MS4A4E: variants seen among roughly 807,000 people sequenced by gnomAD.
MS4A4E encodes the protein membrane spanning 4-domains A4E.
Under a neutral mutation model 13.3 loss-of-function variants are expected in MS4A4E, and 23 were observed. The ratio of observed to expected loss-of-function variants is 1.73; its 90% CI spans 1.25 to 2.45. The LOEUF (loss-of-function observed/expected upper bound fraction) is 2.45. Ranked by LOEUF, MS4A4E falls within the 30% of genes most tolerant of loss-of-function variation. MS4A4E has a pLI of 0.00. For synonymous variants in MS4A4E, 36 were observed against 45.6 expected, an observed-to-expected ratio of 0.79 and a Z score of 0.85; for missense variants, 144 against 131.2, an observed-to-expected ratio of 1.10 and a Z score of -0.48.
At chr11:60,240,404 G>A (rs1256341155) in intron 1 of MS4A4E, among the ~76,000 whole-genome samples, 1 of 152,146 alleles carries the variant, frequency 6.6e-6, no homozygotes, top group Non-Finnish European at 1.5e-5. Context: ...GCCTCTGAAT[G>A]TTCCCCGGTG....
At chr11:60,220,795 GACTC>G (rs776154368) in intron 3 of MS4A4E, among the ~76,000 whole-genome samples, 37 of 152,290 alleles carry the variant, frequency 2.4e-4, no homozygotes, top group Middle Eastern at 6.8e-3. Flanking sequence ...AACCAAGAAA[GACTC>G]ACAATGCCTA....
At chr11:60,233,852 A>G (rs1426250) in intron 1 of MS4A4E, among the ~76,000 whole-genome samples, 49,236 of 152,078 alleles carry the variant, frequency 0.32, 9,053 homozygotes, top group South Asian at 0.51. Flanking sequence ...TCTCAGAACT[A>G]TAAGGCCACT....
intron 2 of MS4A4E, among the ~76,000 whole-genome samples, 166 bp downstream of exon 2, chr11:60,229,746 G>A (rs2084384345): frequency 1.3e-5 from 2 of 152,150 alleles, no homozygotes; most frequent in African/African-American, 4.8e-5. Context: ...GGATGTGATA[G>A]AATATTATAT....
intron 3 of MS4A4E, chr11:60,225,173 T>C: frequency 7.7e-7 from 1 of 1,306,618 alleles, no homozygotes; most frequent in Non-Finnish European, 1.0e-6. Context: ...CACTAAGCTA[T>C]CCTTATTCTT....
At chr11:60,214,471 CT>C in intron 4 of MS4A4E, 99 bp downstream of exon 4, 1 of 840,108 alleles carries the variant, frequency 1.2e-6, no homozygotes, top group Non-Finnish European at 1.7e-6. Flanking sequence ...TTGCTCCTGA[CT>C]TTTTTAAAAA....
intron 5 of MS4A4E, among the ~76,000 whole-genome samples, chr11:60,212,165 G>T (rs1205990264): frequency 2.6e-5 from 4 of 152,178 alleles, no homozygotes; most frequent in Non-Finnish European, 5.9e-5. Flanking sequence ...TGGAGATTGA[G>T]AATTTTTCAG....
intron 3 of MS4A4E, among the ~76,000 whole-genome samples, chr11:60,223,310 A>T (rs2084296766): frequency 6.6e-6 from 1 of 152,174 alleles, no homozygotes; most frequent in African/African-American, 2.4e-5. Context: ...TTAACTTCAT[A>T]TTAGCATTTA....
intron 1 of MS4A4E, among the ~76,000 whole-genome samples, chr11:60,236,241 C>T (rs1342955228): frequency 6.6e-6 from 1 of 152,162 alleles, no homozygotes; most frequent in African/African-American, 2.4e-5. Context: ...AGTGTAAGTG[C>T]ACCAAACTAT....
At chr11:60,235,524 C>A (rs1351189339) in intron 1 of MS4A4E, among the ~76,000 whole-genome samples, 1 of 152,186 alleles carries the variant, frequency 6.6e-6, no homozygotes, top group African/African-American at 2.4e-5. Context: ...TGATTAGCGA[C>A]TACTTGTAGG....
intron 1 of MS4A4E, among the ~76,000 whole-genome samples, chr11:60,242,617 G>A (rs1347510193): frequency 6.6e-6 from 1 of 152,164 alleles, no homozygotes; most frequent in Non-Finnish European, 1.5e-5. Context: ...AGTAGATGAG[G>A]TAATTAATCA....
rs1227928738 is a variant in MS4A4E at position 60,201,026 on chromosome 11, C to G, written c.*517G>C. On this transcript the variant is annotated 3_prime_UTR_variant, in exon 9 of 9. Coordinates refer to ENST00000651255, the MANE Select transcript of MS4A4E (RefSeq NM_001393391.1). ...GCTGGCCGGGCAGAGGGCTGACCCC[C>G]CCACCTCCCTCCCAGACGTGGTGGC... Among the ~76,000 whole-genome samples, 2 of 148,230 alleles carry G rather than the reference C, an allele frequency of 1.3e-5. No homozygotes were observed. The highest frequency in any genetic ancestry group is 5.1e-5 in the African/African-American group (2 of 39,402).
In MS4A4E at chr11:60,230,016, C is replaced by G. The variant is rs773060077; in HGVS notation, c.40G>C (p.Ala14Pro). Reference protein sequence around the residue: ...MQGMEQTTPGAGPDVPQLGNI... With the variant: ...MQGMEQTTPGPGPDVPQLGNI... ...CCCAGCTGGGGCACATCAGGGCCAG[C>G]CCCTGGAGTGGTCTGTTCCATTCCT... The change falls in exon 2 of 9, where the codon GCT becomes CCT. Residue 14 changes from alanine (A) to proline (P), a missense_variant. Ala to Pro is a conservative substitution (Grantham distance 27, BLOSUM62 -1). Transcript: ENST00000651255. 1.9e-6 allele frequency: 3 copies of G among 1,612,784 alleles called. No individual in the cohort carries two copies. The East Asian group carries it at 6.7e-5, about 36-fold the overall frequency.
At chr11:60,218,310 T>C (rs1327796775) in intron 3 of MS4A4E, among the ~76,000 whole-genome samples, 2 of 152,342 alleles carry the variant, frequency 1.3e-5, no homozygotes, top group African/African-American at 4.8e-5. Context: ...ACCCCGGTAC[T>C]GTGGTCCTGT....
intron 6 of MS4A4E, 134 bp downstream of exon 6, chr11:60,208,459 T>C (rs2084075797): frequency 3.4e-6 from 1 of 297,406 alleles, no homozygotes; most frequent in Non-Finnish European, 6.3e-6. Flanking sequence ...CCACATCCAC[T>C]GGGCCCAGAC....
At chr11:60,220,843 C>T (rs564984784) in intron 3 of MS4A4E, among the ~76,000 whole-genome samples, 2 of 152,158 alleles carry the variant, frequency 1.3e-5, no homozygotes, top group African/African-American at 2.4e-5. Flanking sequence ...GCCACACATT[C>T]GTTACCTGGG....
chr11:60,229,496 A>G (rs1410728208), intron 2 of MS4A4E, among the ~76,000 whole-genome samples: 1 of 152,176 alleles, frequency 6.6e-6, no homozygotes, highest in African/African-American at 2.4e-5. Flanking sequence ...ATGCTCAGAG[A>G]ATAGCAGATT....
rs140600189 is a variant in MS4A4E at position 60,205,286 on chromosome 11, T to C, written c.591-328A>G. ...TAAAAATGTTTTGATTGTTTTATGT[T>C]AATCTGTGTCCTGTCCCATAAAAGT... is the stretch of plus-strand genomic sequence containing the variant. On this transcript the variant is annotated intron_variant, in intron 7 of 8. Transcript: ENST00000651255. Among the ~76,000 whole-genome samples, 210 of 152,346 alleles carry C rather than the reference T, an allele frequency of 1.4e-3. 1 individual carries two copies. Among genetic ancestry groups the C allele is most frequent in the African/African-American group, 4.8e-3 (200 of 41,584 alleles).
At chr11:60,213,479 G>T in intron 4 of MS4A4E, 1 of 560,776 alleles carries the variant, frequency 1.8e-6, no homozygotes, top group Non-Finnish European at 3.1e-6. Context: ...AACACTGCTT[G>T]CCTCTCATGC....
intron 5 of MS4A4E, among the ~76,000 whole-genome samples, chr11:60,212,771 C>T (rs1367585715): frequency 6.6e-6 from 1 of 152,136 alleles, no homozygotes; most frequent in Admixed American, 6.5e-5. Flanking sequence ...TCCCATTTTG[C>T]CTCATCACAT....
Sources: gnomAD v4.1 joint callset for allele counts (sites outside exome capture counted in the v4.1 genomes callset) on GRCh38, gnomAD v4.1.1 for gene constraint, MANE v1.5 for transcripts, NCBI Gene and HGNC (gene_info 2026-07-23, HGNC 2026-07-21) for gene names.